PRR5L: variants seen among roughly 807,000 people sequenced by gnomAD.
PRR5L encodes the protein proline-rich protein 5-like.
Under a neutral mutation model 36.4 loss-of-function variants are expected in PRR5L, and 21 were observed. The observed-to-expected ratio is 0.58, with a 90% confidence interval of 0.41 to 0.83. PRR5L has a LOEUF of 0.83. Ranked by LOEUF, PRR5L falls within the 40% of genes least tolerant of loss-of-function variation. The pLI is 0.00. For synonymous variants in PRR5L, 188 were observed against 197.0 expected (o/e 0.95, Z 0.38); for missense variants, 381 against 473.3 (o/e 0.80, Z 1.81).
At chr11:36,384,417 T>C (rs1204304390) in intron 1 of PRR5L, among the ~76,000 whole-genome samples, 1 of 152,208 alleles carries the variant, frequency 6.6e-6, no homozygotes, top group Non-Finnish European at 1.5e-5. Flanking sequence ...TGGGAGAAGA[T>C]GATTTATTCT....
intron 1 of PRR5L, among the ~76,000 whole-genome samples, chr11:36,387,054 G>T (rs1857470781): frequency 6.6e-6 from 1 of 152,152 alleles, no homozygotes. Flanking sequence ...TGGCTTGGAG[G>T]GTTCTGCCTT....
At chr11:36,357,649 C>T (rs1289881308) in intron 1 of PRR5L, among the ~76,000 whole-genome samples, 1 of 152,056 alleles carries the variant, frequency 6.6e-6, no homozygotes, top group Non-Finnish European at 1.5e-5. Context: ...GATGACAGCA[C>T]ATCTGCTTAC....
chr11:36,440,185 C>A (rs1418940694), intron 6 of PRR5L, among the ~76,000 whole-genome samples: 2 of 152,096 alleles, frequency 1.3e-5, no homozygotes, highest in Non-Finnish European at 2.9e-5. Context: ...ATAGAAAAGG[C>A]CTTTATGGGT....
intron 1 of PRR5L, among the ~76,000 whole-genome samples, chr11:36,392,320 T>G (rs1857579032): frequency 6.6e-6 from 1 of 152,232 alleles, no homozygotes; most frequent in African/African-American, 2.4e-5. Flanking sequence ...TCCTTTCTTT[T>G]GGGTATATAC....
chr11:36,453,406 G>T (rs1858983920), intron 8 of PRR5L, among the ~76,000 whole-genome samples: 1 of 152,184 alleles, frequency 6.6e-6, no homozygotes, highest in African/African-American at 2.4e-5. Flanking sequence ...GATAGCTTTA[G>T]CTTTCTAGCT....
At chr11:36,298,337 A>G (rs144231539) in intron 1 of PRR5L, among the ~76,000 whole-genome samples, 3 of 152,188 alleles carry the variant, frequency 2.0e-5, no homozygotes, top group Non-Finnish European at 4.4e-5. Context: ...TTATTATTAC[A>G]TTGTAATATA....
At chr11:36,421,130 G>C (rs1590568042) in intron 4 of PRR5L, among the ~76,000 whole-genome samples, 1 of 152,294 alleles carries the variant, frequency 6.6e-6, no homozygotes, top group Middle Eastern at 3.4e-3. Flanking sequence ...CAGAGAAGTG[G>C]TTTTTCAGTC....
intron 1 of PRR5L, among the ~76,000 whole-genome samples, chr11:36,381,884 C>T (rs751217401): frequency 1.3e-5 from 2 of 151,906 alleles, no homozygotes; most frequent in African/African-American, 2.4e-5. Context: ...ACCAGCCGGG[C>T]GCGGTGGCTC....
At chr11:36,398,240 T>A (rs1857710685) in intron 1 of PRR5L, among the ~76,000 whole-genome samples, 1 of 152,202 alleles carries the variant, frequency 6.6e-6, no homozygotes, top group Admixed American at 6.5e-5. Context: ...GCACCTTGGA[T>A]GTGTTTCTTT....
In PRR5L at chr11:36,403,337, C is replaced by G; in HGVS notation, c.204C>G (p.Gly68=). The G allele has an allele frequency of 2.5e-6, 4 of 1,614,158 alleles. No individual in the cohort carries two copies. The highest frequency in any genetic ancestry group is 3.4e-6 in the Non-Finnish European group (4 of 1,180,024). Residue 68 remains glycine (G), a synonymous_variant, in exon 3 of 9, where the codon GGC becomes GGG. Coordinates refer to ENST00000530639, the MANE Select transcript of PRR5L (RefSeq NM_001160167.2). ...TGATCAACGTTTTCAAAGGGGGTGG[C>G]TTGCAAAGCAACGAGCTCTATGCCC... ...TAVINVFKGG[G]LQSNELYALN...
chr11:36,324,890 T>TAGGGTGCC (rs1176169466), intron 1 of PRR5L, among the ~76,000 whole-genome samples: 1 of 152,204 alleles, frequency 6.6e-6, no homozygotes, highest in African/African-American at 2.4e-5. Context: ...AGTCTGACTG[T>TAGGGTGCC]AGGGTGCCAA....
At chr11:36,372,335 C>T (rs538106203) in intron 1 of PRR5L, among the ~76,000 whole-genome samples, 23 of 152,208 alleles carry the variant, frequency 1.5e-4, no homozygotes, top group Non-Finnish European at 1.9e-4. Flanking sequence ...AGTAGAACAA[C>T]GGACCTCTGG....
rs188914481 is a variant in PRR5L at position 36,460,384 on chromosome 11, C to T, written c.713-1958C>T. ...GCTGCCTCCTCTGCATCCTCCCCAT[C>T]CTTCGCCCCTCCCCCAAGTCTGCCG... On this transcript the variant is annotated intron_variant, in intron 8 of 8. Transcript: ENST00000530639. 1.3e-5 allele frequency among the ~76,000 whole-genome samples: 2 copies of T among 152,266 alleles called. 1 individual carries two copies. Among genetic ancestry groups the T allele is most frequent in the East Asian group, 3.9e-4 (2 of 5,172 alleles).
intron 1 of PRR5L, among the ~76,000 whole-genome samples, chr11:36,337,915 A>C (rs1449847993): frequency 6.6e-6 from 1 of 152,226 alleles, no homozygotes; most frequent in Admixed American, 6.5e-5. Flanking sequence ...AGGCTGATAT[A>C]TTCATCAGGG....
At chr11:36,460,716 G>A (rs1402409121) in intron 8 of PRR5L, among the ~76,000 whole-genome samples, 2 of 152,200 alleles carry the variant, frequency 1.3e-5, no homozygotes, top group African/African-American at 4.8e-5. Context: ...GCCCAAGGAA[G>A]CTTCCTGAGC....
intron 1 of PRR5L, among the ~76,000 whole-genome samples, chr11:36,386,875 A>G (rs1857466735): frequency 6.6e-6 from 1 of 152,216 alleles, no homozygotes; most frequent in Admixed American, 6.5e-5. Context: ...GCCTCTGATG[A>G]TAGTTAATAT....
intron 1 of PRR5L, among the ~76,000 whole-genome samples, chr11:36,357,749 C>A (rs1157309504): frequency 6.6e-6 from 1 of 152,160 alleles, no homozygotes; most frequent in Non-Finnish European, 1.5e-5. Flanking sequence ...TGCTCATTGA[C>A]AATGCACCTA....
rs755686983 is a variant in PRR5L, at chr11:36,462,717, A to G, written c.1088A>G (p.Asn363Ser). 1.9e-6 allele frequency: 3 copies of G among 1,575,332 alleles called. No individual in the cohort carries two copies. In the East Asian group the frequency reaches 6.7e-5, roughly 35 times the overall value. ...GGCAGCCAGGAGGGCTCGGAGCTGA[A>G]CTGTGCTTCCCTCAGCTGAGTCGCC... ...ARGSQEGSELNCASLS is the reference protein window; with the variant it reads ...ARGSQEGSELSCASLS The change falls in exon 9 of 9, where the codon AAC becomes AGC. Residue 363 changes from asparagine to serine, a missense_variant. Coordinates refer to ENST00000530639, the MANE Select transcript of PRR5L (RefSeq NM_001160167.2).
chr11:36,419,274 C>T lies in PRR5L; in HGVS notation c.265C>T (p.Leu89Phe). 6.2e-7 allele frequency: 1 copy of T among 1,614,122 alleles called. No individual in the cohort carries two copies. Among genetic ancestry groups the T allele is most frequent in the South Asian group, 1.1e-5 (1 of 91,084 alleles). ...CCCCAGGCGGCTGTTGAAGAGTGAA[C>T]TTGGATCATTCATTACAGACTATTT... The part of the protein sequence containing the change: ...ENIRRLLKSE[L>F]GSFITDYFQN... The change falls in exon 4 of 9, where the codon CTT becomes TTT. Residue 89 changes from leucine to phenylalanine, a missense_variant. Leu to Phe is a conservative substitution (Grantham distance 22). Coordinates refer to ENST00000530639, the MANE Select transcript of PRR5L (RefSeq NM_001160167.2).
Sources: gnomAD v4.1 joint callset for allele counts (sites outside exome capture counted in the v4.1 genomes callset) on GRCh38, gnomAD v4.1.1 for gene constraint, MANE v1.5 for transcripts, NCBI Gene and HGNC (gene_info 2026-07-23, HGNC 2026-07-21) for gene names.